KAT5: variants seen among roughly 807,000 people sequenced by gnomAD.
KAT5 encodes lysine acetyltransferase 5.
A neutral mutation model predicts 68.1 loss-of-function variants in KAT5; 31 were observed. That is an observed-to-expected ratio of 0.46 (90% CI 0.34 to 0.61). KAT5 has a LOEUF of 0.61. Ranked by LOEUF, KAT5 falls within the 20% of genes least tolerant of loss-of-function variation. The pLI, the probability that KAT5 is intolerant of heterozygous loss-of-function variation, is 0.01. For missense variants in KAT5, 451 were observed against 725.5 expected, an observed-to-expected ratio of 0.62 and a Z score of 4.35; for synonymous variants, 365 against 292.6, an observed-to-expected ratio of 1.25 and a Z score of -2.52.
At chr11:65,715,023 A>C (rs569399845) in intron 8 of KAT5, 113 bp downstream of exon 8, 14 of 890,580 alleles carry the variant, frequency 1.6e-5, no homozygotes, top group Non-Finnish European at 2.2e-5. Context: ...ATTTTTATTG[A>C]GTTCCTGCTG....
chr11:65,713,177 A>G, intron 3 of KAT5, 119 bp downstream of exon 3: 1 of 1,418,244 alleles, frequency 7.1e-7, no homozygotes, highest in South Asian at 1.3e-5. Context: ...TCATCTTGCA[A>G]AGGATGGGGG....
chr11:65,712,566 T>A (rs775886362), intron 1 of KAT5, 121 bp downstream of exon 1: 2 of 1,295,370 alleles, frequency 1.5e-6, no homozygotes. Flanking sequence ...GATACTTTGA[T>A]GAAGGGGCGT....
upstream of KAT5, chr11:65,712,166 T>TC: frequency 5.9e-6 from 7 of 1,178,774 alleles, no homozygotes; most frequent in Non-Finnish European, 7.9e-6. Context: ...CTCTCAAAGG[T>TC]CCCCCTCTAC....
chr11:65,712,743 C>T (rs779478369), intron 1 of KAT5, 23 bp from the exon 2 acceptor site: 77 of 1,613,498 alleles, frequency 4.8e-5, no homozygotes, highest in Non-Finnish European at 5.8e-5. Context: ...TGTCTAAGGC[C>T]CCTGTCTATG....
At position 65,712,759 on chromosome 11, in the gene KAT5, C is replaced by G; in HGVS notation, c.179-7C>G. On this transcript the variant is annotated splice_region_variant and splice_polypyrimidine_tract_variant and intron_variant, in intron 1 of 12. Coordinates refer to ENST00000341318, the MANE Select transcript of KAT5 (RefSeq NM_182710.3). ...GTCTAAGGCCCCTGTCTATGCTATT[C>G]TCATAGCCCTGGCCGAGATCCTGAG... The G allele has an allele frequency of 6.2e-7, 1 of 1,613,868 alleles. No individual in the cohort carries two copies. Among genetic ancestry groups the G allele is most frequent in the South Asian group, 1.1e-5 (1 of 91,060 alleles).
In KAT5 at chr11:65,713,439, C is replaced by T. The variant is rs959078325; in HGVS notation, c.476C>T (p.Pro159Leu). 3.7e-6 allele frequency: 6 copies of T among 1,614,190 alleles called. No homozygotes were observed. The highest frequency in any genetic ancestry group is 4.2e-6 in the Non-Finnish European group (5 of 1,180,040). The change falls in exon 4 of 13, where the codon CCC becomes CTC. Residue 159 changes from proline (P) to leucine (L), a missense_variant. By Grantham distance (98) the Pro-to-Leu change is moderately conservative. Around this residue, in one of 4 missense-constraint regions of KAT5, gnomAD observed 135 missense variants for 173.4 expected, o/e 0.78. Coordinates refer to ENST00000341318, the MANE Select transcript of KAT5 (RefSeq NM_182710.3). ...CTGCCCAAGGAGCGGGAGGCCATTC[C>T]CGGTGGCGAGCCTGACCAGCCGCTC... ...FNLPKEREAI[P>L]GGEPDQPLSS... is the part of the protein sequence containing the mutation.
chr11:65,716,476 T>A (rs1158888722), intron 8 of KAT5, 191 bp from the exon 9 acceptor site: 1 of 599,722 alleles, frequency 1.7e-6, no homozygotes, highest in Non-Finnish European at 3.0e-6. Flanking sequence ...GCACACAGGC[T>A]TTTCAACACT....
rs1278495058 is a variant in KAT5 at position 65,713,584 on chromosome 11, T to A, written c.541-9T>A. 6.2e-7 allele frequency: 1 copy of A among 1,614,200 alleles called. No homozygotes were observed. The highest frequency in any genetic ancestry group is 1.7e-5 in the Admixed American group (1 of 60,032). ...CTTCTGACCCACCTTTGTTGGTTTC[T>A]CTCTGCAGAAACGGAAGGTGGAGGT... On this transcript the variant is annotated splice_polypyrimidine_tract_variant and intron_variant, in intron 4 of 12. Coordinates refer to ENST00000341318, the MANE Select transcript of KAT5 (RefSeq NM_182710.3).
In KAT5 at chr11:65,712,634, A is replaced by T. The variant is rs762292206; in HGVS notation, c.179-132A>T. The T allele has an allele frequency of 1.4e-5, 17 of 1,258,570 alleles. No individual in the cohort carries two copies. The African/African-American group carries it at 2.2e-4, about 16-fold the overall frequency. The allele number at this position is 1,258,570 out of a possible 1,614,324, so 78.0% of individuals were successfully genotyped here. On this transcript the variant is annotated intron_variant, in intron 1 of 12. Transcript: ENST00000341318. ...GGCCTGGAAAGGGGTGGCACTTGTGACTGAAGGAGGCTTAGGAGAGACCTA... is the reference window on the plus strand; with the variant it reads ...GGCCTGGAAAGGGGTGGCACTTGTGTCTGAAGGAGGCTTAGGAGAGACCTA...
intron 6 of KAT5, chr11:65,714,235 C>T: frequency 3.6e-6 from 2 of 551,948 alleles, no homozygotes; most frequent in East Asian, 3.1e-5. Context: ...GTGGAGATTG[C>T]AGTGAGCCAA....
intron 8 of KAT5, among the ~76,000 whole-genome samples, chr11:65,715,577 GGTTAA>G (rs1565208954): frequency 6.6e-6 from 1 of 151,400 alleles, no homozygotes; most frequent in African/African-American, 2.4e-5. Flanking sequence ...TGGCTAACAC[GGTTAA>G]ACCCTGTCTC....
Position 65,713,070 on chromosome 11 carries a change from C to T in KAT5, c.384+12C>T. ...CAGAGAGAGAGGTGGTGAGTAGGTC[C>T]CCCACTTCACCTTTTCTCTCCTGCC... On this transcript the variant is annotated intron_variant, in intron 3 of 12. Transcript: ENST00000341318. 1.9e-6 allele frequency: 3 copies of T among 1,612,270 alleles called. No individual in the cohort carries two copies. The highest frequency in any genetic ancestry group is 2.5e-6 in the Non-Finnish European group (3 of 1,179,892).
rs765118347 is a variant in KAT5, at chr11:65,718,674, A to G, written c.1349A>G (p.Tyr450Cys). The G allele has an allele frequency of 1.9e-6, 3 of 1,614,134 alleles. No homozygotes were observed. Among genetic ancestry groups the G allele is most frequent in the South Asian group, 1.1e-5 (1 of 91,078 alleles). ...SDLGLLSYRS[Y>C]WSQTILEILM... ...CTTGGCCTCCTATCCTATCGAAGCT[A>G]CTGGTCCCAGACCATCCTGGAGATC... Residue 450 changes from tyrosine to cysteine, a missense_variant, in exon 11 of 13, where the codon TAC becomes TGC. Tyr to Cys is a radical substitution (Grantham distance 194). This residue lies in a region of KAT5 where 210 missense variants were observed against 423.7 expected (regional missense o/e 0.50). Transcript: ENST00000341318.
Position 65,713,553 on chromosome 11 carries a change from C to G in KAT5, c.541-40C>G, listed in dbSNP as rs377686135. Reference sequence around the variant, plus strand: ...TTGCTTTCTTCTCAGGTCCCACCTTCTCTACCTTCTGACCCACCTTTGTTG... The same window carrying G: ...TTGCTTTCTTCTCAGGTCCCACCTTGTCTACCTTCTGACCCACCTTTGTTG... On this transcript the variant is annotated intron_variant, in intron 4 of 12. Coordinates refer to ENST00000341318, the MANE Select transcript of KAT5 (RefSeq NM_182710.3). 2.5e-6 allele frequency: 4 copies of G among 1,614,174 alleles called. No individual in the cohort carries two copies. In the East Asian group the frequency reaches 8.9e-5, roughly 36 times the overall value.
rs1857073645 is a variant in KAT5 at position 65,712,987 on chromosome 11, A to C, written c.313A>C (p.Lys105Gln). The C allele has an allele frequency of 6.2e-7, 1 of 1,614,062 alleles. No homozygotes were observed. Among genetic ancestry groups the C allele is most frequent in the Non-Finnish European group, 8.5e-7 (1 of 1,180,010 alleles). The change falls in exon 3 of 13, where the codon AAG (lysine) becomes CAG (glutamine). Residue 105 changes from lysine (K) to glutamine (Q), a missense_variant. Lys to Gln is a moderately conservative substitution (Grantham distance 53). Coordinates refer to ENST00000341318, the MANE Select transcript of KAT5 (RefSeq NM_182710.3). ...RLDLKKIQFP[K>Q]KEAKTPTKNG... ...GGACCTAAAGAAGATCCAGTTCCCC[A>C]AGAAAGAGGCCAAGACCCCCACTAA...
chr11:65,714,385 C>G, intron 6 of KAT5, 110 bp from the exon 7 acceptor site: 2 of 1,230,278 alleles, frequency 1.6e-6, no homozygotes, highest in Non-Finnish European at 2.3e-6. Flanking sequence ...ATGGTACCTC[C>G]CCCTTAGGGT....
chr11:65,713,209 C>G, intron 3 of KAT5, 139 bp from the exon 4 acceptor site: 1 of 1,310,614 alleles, frequency 7.6e-7, no homozygotes, highest in Non-Finnish European at 1.1e-6. Context: ...ATGTAGCTCC[C>G]AGAGTCCAGT....
rs149093594 is a variant in KAT5 at position 65,712,779 on chromosome 11, C to T, written c.192C>T (p.Ile64=). Residue 64 remains isoleucine, a synonymous_variant, in exon 2 of 13, where the codon ATC becomes ATT. Transcript: ENST00000341318. ...CTATTCTCATAGCCCTGGCCGAGAT[C>T]CTGAGCGTGAAGGACATCAGTGGCC... ...DNEDEWPLAE[I]LSVKDISGRK... 8 of 1,613,926 alleles carry T rather than the reference C, an allele frequency of 5.0e-6. No homozygotes were observed. The highest frequency in any genetic ancestry group is 2.7e-5 in the African/African-American group (2 of 74,850).
rs775645186 is a variant in KAT5 at position 65,714,606 on chromosome 11, A to G, written c.802A>G (p.Ile268Val). Residue 268 changes from isoleucine to valine, a missense_variant, in exon 7 of 13, where the codon ATT becomes GTT. Physicochemically the swap from Ile to Val is conservative, Grantham distance 29. This residue lies in a region of KAT5 where 210 missense variants were observed against 423.7 expected (regional missense o/e 0.50). Coordinates refer to ENST00000341318, the MANE Select transcript of KAT5 (RefSeq NM_182710.3). ...CACCCGGATGAAGAACATTGAGTGC[A>G]TTGAGCTGGGCCGGCACCGCCTCAA... Reference protein sequence around the residue: ...IVTRMKNIECIELGRHRLKPW... With the variant: ...IVTRMKNIECVELGRHRLKPW... The G allele has an allele frequency of 1.2e-6, 2 of 1,614,158 alleles. No individual in the cohort carries two copies. Among genetic ancestry groups the G allele is most frequent in the East Asian group, 2.2e-5 (1 of 44,878 alleles).
Sources: gnomAD v4.1 joint callset for allele counts (sites outside exome capture counted in the v4.1 genomes callset) on GRCh38, gnomAD v4.1.1 for gene constraint, gnomAD v4.1.1 regional missense constraint, MANE v1.5 for transcripts, NCBI Gene and HGNC (gene_info 2026-07-23, HGNC 2026-07-21) for gene names.